Variants in TOGARAM2 observed in about 807,000 individuals in gnomAD.
TOGARAM2 encodes the protein TOG array regulator of axonemal microtubules 2.
Under a neutral mutation model 93.3 loss-of-function variants are expected in TOGARAM2, and 85 were observed. The ratio of observed to expected loss-of-function variants is 0.91; its 90% confidence interval spans 0.76 to 1.09. The LOEUF (loss-of-function observed/expected upper bound fraction) is 1.09. TOGARAM2 is among the 50% of genes least tolerant of loss of function. TOGARAM2 has a pLI of 0.00. For synonymous variants in TOGARAM2, 593 were observed against 552.8 expected (o/e 1.07, Z -1.02); for missense variants, 1,277 against 1,334.5 (o/e 0.96, Z 0.67).
chr2:29,026,863 C>T lies in TOGARAM2; in HGVS notation c.1864C>T (p.Pro622Ser), dbSNP rs1418336369. 6.3e-6 allele frequency: 10 copies of T among 1,591,714 alleles called. No individual in the cohort carries two copies. The highest frequency in any genetic ancestry group is 1.3e-5 in the African/African-American group (1 of 74,332). ...ATGATTTCCTTTCAGCCACCGGAAC[C>T]CCTTGATCCGGAAATACGCGGCTGA... ...LTSAGVYHRN[P>S]LIRKYAAEHL... is the part of the protein sequence containing the mutation. The change falls in exon 14 of 20, where the codon CCC (proline) becomes TCC (serine). Residue 622 changes from proline to serine, a missense_variant. Pro to Ser is a moderately conservative substitution (Grantham distance 74, BLOSUM62 -1). Coordinates refer to ENST00000379558, the MANE Select transcript of TOGARAM2 (RefSeq NM_199280.4).
intron 1 of TOGARAM2, among the ~76,000 whole-genome samples, chr2:28,993,534 A>G (rs1558408547): frequency 6.6e-6 from 1 of 152,352 alleles, no homozygotes; most frequent in African/African-American, 2.4e-5. Context: ...ACAGGGGTTC[A>G]GGACTGCTTT....
At position 29,026,890 on chromosome 2, in the gene TOGARAM2, C is replaced by T. The variant is rs1254209226; in HGVS notation, c.1891C>T (p.His631Tyr). ...NPLIRKYAAE[H>Y]LSAVLEQIGA... Reference sequence around the variant, plus strand: ...CTTGATCCGGAAATACGCGGCTGAGCACCTCTCAGCTGTGCTGGAGCAGAT... The same window carrying T: ...CTTGATCCGGAAATACGCGGCTGAGTACCTCTCAGCTGTGCTGGAGCAGAT... Residue 631 changes from histidine to tyrosine, a missense_variant, in exon 14 of 20, where the codon CAC becomes TAC. His to Tyr is a moderately conservative substitution (Grantham distance 83, BLOSUM62 2). Transcript: ENST00000379558. The T allele has an allele frequency of 6.9e-6, 11 of 1,592,056 alleles. No homozygotes were observed. The South Asian group carries it at 6.9e-5, about 10-fold the overall frequency.
intron 7 of TOGARAM2, among the ~76,000 whole-genome samples, chr2:29,012,768 A>T (rs1371200751): frequency 6.6e-6 from 1 of 152,200 alleles, no homozygotes; most frequent in African/African-American, 2.4e-5. Context: ...TGCCTAGCAC[A>T]TGGTAGGGGC....
chr2:29,011,248 G>C (rs1371716382), intron 6 of TOGARAM2, among the ~76,000 whole-genome samples: 1 of 152,230 alleles, frequency 6.6e-6, no homozygotes, highest in Non-Finnish European at 1.5e-5. Flanking sequence ...ACCTGGCCTG[G>C]TGGTCAGCCT....
At chr2:29,015,928 G>A (rs1259728996) in intron 8 of TOGARAM2, among the ~76,000 whole-genome samples, 1 of 152,160 alleles carries the variant, frequency 6.6e-6, no homozygotes, top group African/African-American at 2.4e-5. Flanking sequence ...TCCTCATCCA[G>A]TCCAGACATT....
At position 29,035,557 on chromosome 2, in the gene TOGARAM2, G is replaced by A; in HGVS notation, c.2319G>A (p.Leu773=). 6.3e-7 allele frequency: 1 copy of A among 1,589,526 alleles called. No homozygotes were observed. The highest frequency in any genetic ancestry group is 8.6e-7 in the Non-Finnish European group (1 of 1,167,958). The change falls in exon 17 of 20, where the codon CTG becomes CTA. Residue 773 remains leucine (L), a synonymous_variant. Coordinates refer to ENST00000379558, the MANE Select transcript of TOGARAM2 (RefSeq NM_199280.4). ...MVEQLRELTR[L]LEAKDFRSRM... ...AGCAGCTACGGGAGCTGACACGGCT[G>A]CTGGAGGCCAAGGACTTCCGGTCCC...
At chr2:28,962,409 C>T (rs1329807100) in intron 1 of TOGARAM2, among the ~76,000 whole-genome samples, 1 of 152,136 alleles carries the variant, frequency 6.6e-6, no homozygotes, top group East Asian at 1.9e-4. Context: ...CTCCTGACCT[C>T]ATAATGCACC....
chr2:28,990,991 G>GGTGTGTGTGTGTGTGTGT (rs70958233), intron 1 of TOGARAM2, among the ~76,000 whole-genome samples: 1 of 119,812 alleles, frequency 8.3e-6, no homozygotes, highest in African/African-American at 3.5e-5. Context: ...GTGTGTGAAG[G>GGTGTGTGTGTGTGTGTGT]GTGTGTGTGT....
chr2:28,976,833 G>C (rs75320907), upstream of TOGARAM2, among the ~76,000 whole-genome samples: 4 of 152,346 alleles, frequency 2.6e-5, no homozygotes, highest in East Asian at 7.7e-4. Flanking sequence ...GGAGGGGCCT[G>C]TTCTGTGTCC....
intron 8 of TOGARAM2, among the ~76,000 whole-genome samples, chr2:29,015,379 C>G (rs991185711): frequency 6.6e-6 from 1 of 152,176 alleles, no homozygotes; most frequent in African/African-American, 2.4e-5. Context: ...TTTCAAGCAT[C>G]CCATTGGCTC....
intron 6 of TOGARAM2, among the ~76,000 whole-genome samples, chr2:29,008,538 C>T (rs182414277): frequency 3.3e-5 from 5 of 152,312 alleles, no homozygotes; most frequent in African/African-American, 7.2e-5. Context: ...CTTATTGTAA[C>T]CTCTGCCTCC....
At chr2:29,010,640 C>T (rs1664187226) in intron 6 of TOGARAM2, among the ~76,000 whole-genome samples, 1 of 151,978 alleles carries the variant, frequency 6.6e-6, no homozygotes, top group African/African-American at 2.4e-5. Flanking sequence ...ACTCTGTCAG[C>T]CCCCCAGTGG....
chr2:28,965,815 T>A (rs192970809), intron 1 of TOGARAM2, among the ~76,000 whole-genome samples: 1 of 152,356 alleles, frequency 6.6e-6, no homozygotes, highest in African/African-American at 2.4e-5. Flanking sequence ...TAGATTGGGA[T>A]GCCCCTTCCC....
chr2:29,000,486 C>T (rs1193385621), intron 4 of TOGARAM2, among the ~76,000 whole-genome samples: 1 of 152,198 alleles, frequency 6.6e-6, no homozygotes, highest in Non-Finnish European at 1.5e-5. Flanking sequence ...TTCTCAACAC[C>T]TGGCATATGG....
Position 29,022,021 on chromosome 2 carries a change from C to T in TOGARAM2, c.1361-137C>T. ...GGGTTCTTAGCCTCACCAGGCACTT[C>T]CACTTGTACACCCTCCCTGTTAGGT... On this transcript the variant is annotated intron_variant, in intron 10 of 19. Transcript: ENST00000379558. 4 of 1,144,298 alleles carry T rather than the reference C, an allele frequency of 3.5e-6. No individual in the cohort carries two copies. The South Asian group carries it at 4.3e-5, about 12-fold the overall frequency. The allele number at this position is 1,144,298 out of a possible 1,614,324, so 70.9% of individuals were successfully genotyped here. A position where few individuals can be genotyped will look rare whatever the true frequency, so the allele number is the denominator to read the frequency against.
chr2:29,035,585 A>G lies in TOGARAM2; in HGVS notation c.2347A>G (p.Met783Val). The G allele has an allele frequency of 1.3e-6, 2 of 1,590,372 alleles. No individual in the cohort carries two copies. The highest frequency in any genetic ancestry group is 2.3e-5 in the South Asian group (2 of 86,536). The change falls in exon 17 of 20, where the codon ATG becomes GTG. Residue 783 changes from methionine (M) to valine (V), a missense_variant. By Grantham distance (21) the Met-to-Val change is conservative. Coordinates refer to ENST00000379558, the MANE Select transcript of TOGARAM2 (RefSeq NM_199280.4). Reference sequence around the variant, plus strand: ...GGAGGCCAAGGACTTCCGGTCCCGGATGGAAGGCGTGGGGCAGCTCCTGGA... The same window carrying G: ...GGAGGCCAAGGACTTCCGGTCCCGGGTGGAAGGCGTGGGGCAGCTCCTGGA... ...LLEAKDFRSR[M>V]EGVGQLLELC...
At chr2:29,035,242 T>C (rs1169194421) in intron 16 of TOGARAM2, among the ~76,000 whole-genome samples, 1 of 151,732 alleles carries the variant, frequency 6.6e-6, no homozygotes, top group Non-Finnish European at 1.5e-5. Context: ...ACATATCTTC[T>C]GAAAAGAGAA....
chr2:28,994,709 C>T lies in TOGARAM2; in HGVS notation c.-110-16C>T, dbSNP rs770357710. On this transcript the variant is annotated splice_polypyrimidine_tract_variant and intron_variant, in intron 1 of 19. Transcript: ENST00000379558. The stretch of plus-strand genomic sequence containing the variant: ...ATTTGCTTTTACTGACTTCTCCTTT[C>T]TCCTCTCACCCTTAGGTCCCGGATG... 22 of 916,070 alleles carry T rather than the reference C, an allele frequency of 2.4e-5. No homozygotes were observed. Among genetic ancestry groups the T allele is most frequent in the Non-Finnish European group, 3.5e-5 (21 of 594,104 alleles). The allele number at this position is 916,070 out of a possible 1,614,324, so 56.7% of individuals were successfully genotyped here.
chr2:29,017,449 C>A, intron 9 of TOGARAM2, 145 bp downstream of exon 9: 1 of 884,778 alleles, frequency 1.1e-6, no homozygotes. Context: ...CTCTGTGGCC[C>A]AGGCTAAAGG....
Sources: gnomAD v4.1 joint callset for allele counts (sites outside exome capture counted in the v4.1 genomes callset) on GRCh38, gnomAD v4.1.1 for gene constraint, MANE v1.5 for transcripts, NCBI Gene and HGNC (gene_info 2026-07-23, HGNC 2026-07-21) for gene names.